SPATA7: variants seen among roughly 807,000 people sequenced by gnomAD.
SPATA7 encodes the protein spermatogenesis-associated protein 7.
SPATA7 carries 43 observed loss-of-function variants against 51.8 expected under a neutral mutation model. The observed-to-expected ratio is 0.83, with a 90% CI of 0.65 to 1.07. The LOEUF is 1.07. Ranked by LOEUF, SPATA7 falls within the 50% of genes least tolerant of loss-of-function variation. The probability of loss-of-function intolerance (pLI) is 0.00; values close to 1 mark genes in which losing one functional copy is unlikely to be tolerated. For missense variants in SPATA7, 683 were observed against 701.3 expected, an observed-to-expected ratio of 0.97 and a Z score of 0.30; for synonymous variants, 230 against 252.8, an observed-to-expected ratio of 0.91 and a Z score of 0.86.
intron 3 of SPATA7, among the ~76,000 whole-genome samples, chr14:88,452,218 A>G (rs891509005): frequency 6.6e-6 from 1 of 152,168 alleles, no homozygotes; most frequent in Admixed American, 6.5e-5. Flanking sequence ...CAGCAGGGCT[A>G]CCAAGCTCTG....
intron 3 of SPATA7, among the ~76,000 whole-genome samples, chr14:88,448,815 A>G (rs1285653969): frequency 2.6e-5 from 4 of 151,956 alleles, no homozygotes; most frequent in African/African-American, 9.7e-5. Context: ...GGGGTCAGGG[A>G]CCTACTTGAG....
chr14:88,461,503 C>A (rs149371760), intron 4 of SPATA7, among the ~76,000 whole-genome samples: 3 of 152,162 alleles, frequency 2.0e-5, no homozygotes, highest in Admixed American at 6.5e-5. Context: ...TGGGACCCTC[C>A]GAGCCAGGTG....
In SPATA7 at chr14:88,438,091, A is replaced by G; in HGVS notation, c.1469A>G (p.Glu490Gly). The change falls in exon 12 of 12, where the codon GAA (glutamate) becomes GGA (glycine). Residue 490 changes from glutamate to glycine, a missense_variant. Physicochemically the swap from Glu to Gly is moderately conservative, Grantham distance 98. Coordinates refer to ENST00000393545, the MANE Select transcript of SPATA7 (RefSeq NM_018418.5). Reference sequence around the variant, plus strand: ...AACGAGATATTCCCTTCACCAACTGAATTTTTCATGCCTATTTATAAATCA... The same window carrying G: ...AACGAGATATTCCCTTCACCAACTGGATTTTTCATGCCTATTTATAAATCA... ...DENEIFPSPT[E>G]FFMPIYKSKH... The G allele has an allele frequency of 6.2e-7, 1 of 1,614,116 alleles. No individual in the cohort carries two copies. Among genetic ancestry groups the G allele is most frequent in the Non-Finnish European group, 8.5e-7 (1 of 1,180,008 alleles).
chr14:88,426,135 A>G (rs754183295), intron 5 of SPATA7, 97 bp from the exon 6 acceptor site: 89 of 853,902 alleles, frequency 1.0e-4, no homozygotes, highest in Non-Finnish European at 1.4e-4. Context: ...AATTTTGTAA[A>G]CCCTTGAGGC....
At chr14:88,421,331 T>A (rs2076635935) in intron 5 of SPATA7, among the ~76,000 whole-genome samples, 3 of 152,084 alleles carry the variant, frequency 2.0e-5, no homozygotes, top group African/African-American at 7.2e-5. Context: ...GCATGATCTC[T>A]TAAGAGCTTT....
At chr14:88,463,501 G>A (rs1222671491) in intron 4 of SPATA7, among the ~76,000 whole-genome samples, 1 of 152,172 alleles carries the variant, frequency 6.6e-6, no homozygotes, top group African/African-American at 2.4e-5. Context: ...GCAGTAGGGA[G>A]AAAAGTTGCC....
intron 9 of SPATA7, chr14:88,432,745 C>G (rs770606496): frequency 1.1e-4 from 18 of 165,912 alleles, no homozygotes; most frequent in Non-Finnish European, 1.8e-4. Context: ...GAGGGACTTG[C>G]ACCTCTGCTG....
intron 4 of SPATA7, among the ~76,000 whole-genome samples, chr14:88,410,193 T>C (rs1162299424): frequency 6.6e-6 from 1 of 152,182 alleles, no homozygotes; most frequent in Non-Finnish European, 1.5e-5. Context: ...AGTGGGGTGA[T>C]AAAGTCTCCC....
chr14:88,390,848 C>T (rs977288107), intron 1 of SPATA7, among the ~76,000 whole-genome samples: 2 of 152,140 alleles, frequency 1.3e-5, no homozygotes, highest in Admixed American at 6.5e-5. Context: ...CATTTCATGA[C>T]TATCTTTTTT....
chr14:88,455,029 G>A (rs1246427114), intron 3 of SPATA7: 2 of 455,586 alleles, frequency 4.4e-6, no homozygotes, highest in South Asian at 1.6e-5. Context: ...TTAGATCTGG[G>A]TCAAGGCTCA....
intron 4 of SPATA7, among the ~76,000 whole-genome samples, chr14:88,401,956 T>C (rs962865579): frequency 2.0e-5 from 3 of 151,996 alleles, no homozygotes; most frequent in African/African-American, 7.2e-5. Flanking sequence ...CAATATAGTT[T>C]TAGGATACAA....
chr14:88,434,636 A>C (rs1261380962), intron 10 of SPATA7, among the ~76,000 whole-genome samples: 2 of 151,152 alleles, frequency 1.3e-5, no homozygotes, highest in African/African-American at 4.9e-5. Context: ...CAGTGAGCTG[A>C]GATCGCGCCA....
chr14:88,470,081 G>T (rs1309547681), exon 5 of SPATA7: 1 of 1,603,948 alleles, frequency 6.2e-7, no homozygotes, highest in Non-Finnish European at 8.5e-7. Context: ...AAAAATTGAT[G>T]TGTGGGTATA....
At chr14:88,468,828 C>T (rs755957639) in intron 4 of SPATA7, 61 of 1,537,208 alleles carry the variant, frequency 4.0e-5, no homozygotes, top group Middle Eastern at 2.3e-4. Flanking sequence ...AGGAAATGTG[C>T]GCAAAAAGAG....
chr14:88,424,356 C>A (rs928882397), intron 5 of SPATA7, among the ~76,000 whole-genome samples: 2 of 152,114 alleles, frequency 1.3e-5, no homozygotes, highest in African/African-American at 4.8e-5. Context: ...TTATAAGATA[C>A]AAAAATGGGA....
intron 3 of SPATA7, among the ~76,000 whole-genome samples, chr14:88,449,468 G>A (rs1310562194): frequency 1.3e-5 from 2 of 152,146 alleles, no homozygotes; most frequent in Non-Finnish European, 2.9e-5. Context: ...TTTTTAAAAT[G>A]TGTTGAGACT....
intron 3 of SPATA7, among the ~76,000 whole-genome samples, chr14:88,451,605 C>A (rs1490785152): frequency 6.6e-6 from 1 of 151,750 alleles, no homozygotes; most frequent in Non-Finnish European, 1.5e-5. Context: ...CGGCTCACTG[C>A]AACCTCTGCC....
chr14:88,393,991 C>T (rs2075813798), intron 3 of SPATA7, among the ~76,000 whole-genome samples: 1 of 152,088 alleles, frequency 6.6e-6, no homozygotes, highest in Non-Finnish European at 1.5e-5. Context: ...ACCGTTCAGG[C>T]CAAACCCTCC....
At chr14:88,470,298 A>C (rs940589473) in exon 5 of SPATA7, 8 of 488,514 alleles carry the variant, frequency 1.6e-5, no homozygotes, top group Non-Finnish European at 2.9e-5. Context: ...AACCTGTTTA[A>C]CCTTGCTGAA....
Sources: gnomAD v4.1 joint callset for allele counts (sites outside exome capture counted in the v4.1 genomes callset) on GRCh38, gnomAD v4.1.1 for gene constraint, MANE v1.5 for transcripts, NCBI Gene and HGNC (gene_info 2026-07-23, HGNC 2026-07-21) for gene names.